The following PDXDC1 variants were observed in gnomAD, a reference collection of about 807,000 sequenced individuals.
The protein encoded by PDXDC1 is pyridoxal-dependent decarboxylase domain-containing protein 1.
A neutral mutation model predicts 100.1 loss-of-function variants in PDXDC1; 42 were observed. The observed-to-expected ratio is 0.42, with a 90% CI of 0.33 to 0.54. The LOEUF (loss-of-function observed/expected upper bound fraction) is 0.54, where lower values mean the gene tolerates loss of function less well. Among genes scored for constraint, PDXDC1 ranks in the 20% least tolerant of loss-of-function variants. The pLI is 0.10. For missense variants in PDXDC1, 636 were observed against 979.2 expected, an observed-to-expected ratio of 0.65 and a Z score of 4.68; for synonymous variants, 260 against 371.7, an observed-to-expected ratio of 0.70 and a Z score of 3.46.
chr16:15,058,377 C>T (rs979775566), intron 16 of PDXDC1, among the ~76,000 whole-genome samples: 1 of 152,150 alleles, frequency 6.6e-6, no homozygotes, highest in Non-Finnish European at 1.5e-5. Context: ...ACCTGCCTCA[C>T]AAGATGGCTG....
rs1032535909 is a variant in PDXDC1 at position 15,063,386 on chromosome 16, G to A, written c.1399+33330G>A. The A allele has an allele frequency of 7.4e-5, 64 of 861,116 alleles. No individual in the cohort carries two copies. The African/African-American group carries it at 9.2e-4, about 12-fold the overall frequency. 53.3% of individuals were successfully genotyped at this position (861,116 alleles called of 1,614,324 possible). A position where few individuals can be genotyped will look rare whatever the true frequency, so the allele number is the denominator to read the frequency against. On this transcript the variant is annotated intron_variant, in intron 16 of 16. Coordinates refer to the PDXDC1 transcript ENST00000535621. ...AAGATCTATTACCCAAAACCAAGAA[G>A]TGAAAACTACAGCTTAAATAATTAC... is the stretch of plus-strand genomic sequence containing the variant.
At chr16:15,075,185 G>A (rs2045398752) in intron 16 of PDXDC1, among the ~76,000 whole-genome samples, 1 of 150,928 alleles carries the variant, frequency 6.6e-6, no homozygotes, top group African/African-American at 2.4e-5. Flanking sequence ...GGAGGTGGAG[G>A]AGGCTACAGT....
rs773329546 is a variant in PDXDC1 at position 15,073,067 on chromosome 16, G to A, written c.1399+43011G>A. The A allele has an allele frequency of 2.5e-5, 40 of 1,610,066 alleles. 2 individuals carry two copies. The highest frequency in any genetic ancestry group is 1.8e-4 in the South Asian group (16 of 89,698). ...CGCGATATAGATCCTTTGTTTTGCC[G>A]TTATCAACCTTACCTATGGAGAAAA... On this transcript the variant is annotated intron_variant, in intron 16 of 16. Coordinates refer to the PDXDC1 transcript ENST00000535621.
chr16:15,040,108 A>G (rs373489318), downstream of PDXDC1: 72 of 1,120,842 alleles, frequency 6.4e-5, no homozygotes, highest in African/African-American at 1.1e-3. Context: ...ACAAAAGACC[A>G]AAGCGGAAAG....
At chr16:14,987,750 T>C (rs1345466305) in intron 1 of PDXDC1, among the ~76,000 whole-genome samples, 1 of 152,284 alleles carries the variant, frequency 6.6e-6, no homozygotes, top group Non-Finnish European at 1.5e-5. Context: ...TAGCTGGGAT[T>C]ACAGGCACCC....
rs778243688 is a variant in PDXDC1 at position 15,031,694 on chromosome 16, C to G, written c.1400-41C>G. 5 of 1,559,508 alleles carry G rather than the reference C, an allele frequency of 3.2e-6. No individual in the cohort carries two copies. The South Asian group carries it at 5.6e-5, about 17-fold the overall frequency. On this transcript the variant is annotated intron_variant, in intron 16 of 22. Transcript: ENST00000396410. The stretch of plus-strand genomic sequence containing the variant: ...GGGAGCCCTGCCCTCTTGTCATTGG[C>G]CATCTCGTGAGCATTTCTCTGACAT...
At chr16:15,020,012 T>G (rs754007246) in intron 12 of PDXDC1, among the ~76,000 whole-genome samples, 1 of 148,358 alleles carries the variant, frequency 6.7e-6, no homozygotes, top group Non-Finnish European at 1.5e-5. Context: ...CTCAGGAGGC[T>G]GAGGCCGGAG....
At chr16:15,142,437 G>A (rs1435458046), downstream of PDXDC1, among the ~76,000 whole-genome samples, 9 of 152,054 alleles carry the variant, frequency 5.9e-5, no homozygotes, top group Admixed American at 5.2e-4. Flanking sequence ...GACCCCGCTC[G>A]GCCGAGCTCC....
Position 15,038,208 on chromosome 16 carries a change from A to G in PDXDC1, c.*1933A>G. ...GCTCAGCCAGAGGCGAAGTGGAAAG[A>G]TTCTGAAAACACAAGATGGTGGGCA... On this transcript the variant is annotated 3_prime_UTR_variant, in exon 23 of 23. Coordinates refer to ENST00000396410, the MANE Select transcript of PDXDC1 (RefSeq NM_015027.4). 6.2e-7 allele frequency: 1 copy of G among 1,612,010 alleles called. No homozygotes were observed. The highest frequency in any genetic ancestry group is 8.5e-7 in the Non-Finnish European group (1 of 1,178,962).
chr16:15,123,112 T>G (rs1379248191), intron 16 of PDXDC1, among the ~76,000 whole-genome samples: 1 of 150,186 alleles, frequency 6.7e-6, no homozygotes, highest in Non-Finnish European at 1.5e-5. Context: ...TTCTTCGGTC[T>G]GGGCCCTCCC....
At chr16:15,051,308 A>C (rs2044281128) in intron 16 of PDXDC1, among the ~76,000 whole-genome samples, 2 of 152,270 alleles carry the variant, frequency 1.3e-5, no homozygotes, top group African/African-American at 4.8e-5. Context: ...AAAAATTATC[A>C]GAAGAGAGAA....
At chr16:15,094,108 G>A (rs768386879) in intron 16 of PDXDC1, 2 of 1,546,786 alleles carry the variant, frequency 1.3e-6, no homozygotes, top group African/African-American at 1.4e-5. Flanking sequence ...CTGAGCTTTC[G>A]TCCCAGATAC....
intron 6 of PDXDC1, among the ~76,000 whole-genome samples, chr16:15,008,187 G>A (rs999965287): frequency 7.2e-5 from 11 of 152,280 alleles, no homozygotes; most frequent in Admixed American, 5.2e-4. Context: ...TAGTCATACA[G>A]AACAATATGC....
At chr16:15,071,799 T>G (rs953028085) in intron 16 of PDXDC1, among the ~76,000 whole-genome samples, 2 of 151,988 alleles carry the variant, frequency 1.3e-5, no homozygotes, top group Admixed American at 1.3e-4. Context: ...CAACAAAAAA[T>G]TCAACCTGGG....
At chr16:15,035,804 T>C (rs1001782039) in intron 22 of PDXDC1, among the ~76,000 whole-genome samples, 1 of 152,144 alleles carries the variant, frequency 6.6e-6, no homozygotes, top group Non-Finnish European at 1.5e-5. Context: ...CGTTTCCTAA[T>C]GAAGATGACC....
rs148682831 is a variant in PDXDC1 at position 15,044,455 on chromosome 16, C to T, written c.1399+14399C>T. 4.8e-4 allele frequency: 580 copies of T among 1,201,038 alleles called. 2 individuals are homozygous for T. The East Asian group carries it at 0.013, about 26-fold the overall frequency. The allele number at this position is 1,201,038 out of a possible 1,614,324, so 74.4% of individuals were successfully genotyped here. ...CAGAGGCCAGAAGAAGACACCGGTG[C>T]GTGCGCTGGTCTCACTTTGAACTTT... On this transcript the variant is annotated intron_variant, in intron 16 of 16. Coordinates refer to the PDXDC1 transcript ENST00000535621.
intron 16 of PDXDC1, chr16:15,073,173 C>T: frequency 7.1e-7 from 1 of 1,408,836 alleles, no homozygotes; most frequent in Non-Finnish European, 9.8e-7. Flanking sequence ...CATTAAAAAA[C>T]AACATTATCC....
At chr16:15,063,337 A>G in intron 16 of PDXDC1, 2 of 1,368,064 alleles carry the variant, frequency 1.5e-6, no homozygotes, top group Admixed American at 1.7e-5. Flanking sequence ...GCAGAAGTCA[A>G]AATTGGTTTG....
intron 16 of PDXDC1, chr16:15,047,655 T>C (rs2044129975): frequency 4.1e-6 from 4 of 979,548 alleles, no homozygotes; most frequent in Middle Eastern, 2.1e-4. Flanking sequence ...TTGAATATCC[T>C]GTAGGGGAAA....
Sources: gnomAD v4.1 joint callset for allele counts (sites outside exome capture counted in the v4.1 genomes callset) on GRCh38, gnomAD v4.1.1 for gene constraint, MANE v1.5 for transcripts, NCBI Gene and HGNC (gene_info 2026-07-23, HGNC 2026-07-21) for gene names.